PSMA6: variants seen among roughly 807,000 people sequenced by gnomAD.
PSMA6 encodes proteasome 20S subunit alpha 6, also known as proteasome subunit alpha type-6.
For synonymous variants in PSMA6, 88 were observed against 97.7 expected (o/e 0.90, Z 0.59); for missense variants, 170 against 294.8 (o/e 0.58, Z 3.10).
At chr14:35,290,704 G>A (rs2051467893), upstream of PSMA6, among the ~76,000 whole-genome samples, 3 of 152,114 alleles carry the variant, frequency 2.0e-5, no homozygotes, top group Non-Finnish European at 4.4e-5. Context: ...TGCCTTCCTT[G>A]TACACAAACC....
intron 1 of PSMA6, among the ~76,000 whole-genome samples, chr14:35,307,200 G>C (rs2051845567): frequency 6.6e-6 from 1 of 152,172 alleles, no homozygotes; most frequent in Non-Finnish European, 1.5e-5. Flanking sequence ...CAAAAAGCAT[G>C]ATCCAGAAAT....
upstream of PSMA6, chr14:35,292,348 C>T (rs2051497836): frequency 6.6e-7 from 1 of 1,518,704 alleles, no homozygotes; most frequent in Non-Finnish European, 8.8e-7. Context: ...GTGAGTTCGG[C>T]ATGCAAGAGC....
chr14:35,297,367 C>T (rs1328031196), intron 1 of PSMA6, among the ~76,000 whole-genome samples: 1 of 151,798 alleles, frequency 6.6e-6, no homozygotes, highest in Admixed American at 6.6e-5. Flanking sequence ...AGGCGCCTGC[C>T]TCCGAGCCCA....
chr14:35,298,064 ATTT>A (rs1594381655), intron 1 of PSMA6, among the ~76,000 whole-genome samples: 1 of 152,196 alleles, frequency 6.6e-6, no homozygotes, highest in East Asian at 1.9e-4. Flanking sequence ...TCTTTGACTA[ATTT>A]TTAACCTGTA....
upstream of PSMA6, chr14:35,292,171 A>G (rs775711496): frequency 1.8e-4 from 94 of 512,966 alleles, no homozygotes; most frequent in Non-Finnish European, 2.7e-4. Context: ...TAGTCAATTC[A>G]TTCTCCAGAT....
chr14:35,303,327 G>T (rs1044251698), intron 1 of PSMA6, among the ~76,000 whole-genome samples: 5 of 152,144 alleles, frequency 3.3e-5, no homozygotes, highest in Non-Finnish European at 7.4e-5. Context: ...ATCTGCTAGA[G>T]ATTTGGGCAG....
chr14:35,290,257 C>T (rs529471171), upstream of PSMA6, among the ~76,000 whole-genome samples: 3 of 152,272 alleles, frequency 2.0e-5, no homozygotes, highest in Non-Finnish European at 2.9e-5. Context: ...ATCCTCCTAG[C>T]AGCCTTACCG....
intron 6 of PSMA6, chr14:35,315,520 T>G (rs368875654): frequency 6.6e-6 from 1 of 152,058 alleles, no homozygotes; most frequent in African/African-American, 2.4e-5. Context: ...ATAGTGCCTG[T>G]GAATAGCCAC....
At chr14:35,299,590 G>A (rs1445202693) in intron 1 of PSMA6, among the ~76,000 whole-genome samples, 2 of 151,972 alleles carry the variant, frequency 1.3e-5, no homozygotes, top group African/African-American at 2.4e-5. Context: ...CCAAAGTGCT[G>A]GGATTACAGG....
intron 1 of PSMA6, among the ~76,000 whole-genome samples, chr14:35,287,081 CA>C (rs1235416626): frequency 6.6e-6 from 1 of 152,126 alleles, no homozygotes; most frequent in African/African-American, 2.4e-5. Context: ...AACACTCATC[CA>C]GAATGACTGA....
chr14:35,296,223 C>G (rs1186275243), intron 1 of PSMA6, among the ~76,000 whole-genome samples: 1 of 152,142 alleles, frequency 6.6e-6, no homozygotes, highest in Admixed American at 6.5e-5. Context: ...ATAATAACCA[C>G]CTACCTTATA....
At chr14:35,303,841 T>C (rs1300194742) in intron 1 of PSMA6, among the ~76,000 whole-genome samples, 3 of 152,224 alleles carry the variant, frequency 2.0e-5, no homozygotes, top group Non-Finnish European at 4.4e-5. Flanking sequence ...CTAAACAATG[T>C]AGTATAACAA....
At chr14:35,304,800 TG>T (rs552355174) in intron 1 of PSMA6, among the ~76,000 whole-genome samples, 21 of 152,076 alleles carry the variant, frequency 1.4e-4, no homozygotes, top group African/African-American at 5.1e-4. Flanking sequence ...CCAATTAAAT[TG>T]GGGGTTATGG....
At chr14:35,293,013 C>A (rs1211322898) in intron 1 of PSMA6, 1 of 457,822 alleles carries the variant, frequency 2.2e-6, no homozygotes, top group South Asian at 1.5e-5. Context: ...CCAGACACTG[C>A]TAGTCCTAGG....
chr14:35,296,846 A>G (rs1413394249), intron 1 of PSMA6, among the ~76,000 whole-genome samples: 1 of 152,196 alleles, frequency 6.6e-6, no homozygotes, highest in African/African-American at 2.4e-5. Context: ...GCATGCATAC[A>G]CATACATACA....
intron 1 of PSMA6, among the ~76,000 whole-genome samples, chr14:35,297,265 G>T (rs2051614278): frequency 6.6e-6 from 1 of 151,488 alleles, no homozygotes; most frequent in African/African-American, 2.4e-5. Context: ...ACCCAGGCTG[G>T]AGTGCAGTGT....
At chr14:35,303,108 C>A (rs998924319) in intron 1 of PSMA6, among the ~76,000 whole-genome samples, 2 of 152,076 alleles carry the variant, frequency 1.3e-5, no homozygotes, top group Non-Finnish European at 2.9e-5. Context: ...CGGATTGTAT[C>A]CTGGACATTT....
At chr14:35,314,332 A>G (rs1461082653) in intron 5 of PSMA6, 29 bp from the exon 6 acceptor site, 20 of 1,564,090 alleles carry the variant, frequency 1.3e-5, no homozygotes, top group East Asian at 2.4e-5. Context: ...AAAAAATACT[A>G]TATTTTAACA....
upstream of PSMA6, among the ~76,000 whole-genome samples, chr14:35,290,452 T>G (rs2051465541): frequency 6.6e-6 from 1 of 152,232 alleles, no homozygotes; most frequent in Non-Finnish European, 1.5e-5. Flanking sequence ...AAGTACCCTT[T>G]GTGCCAGAGA....
Sources: gnomAD v4.1 joint callset for allele counts (sites outside exome capture counted in the v4.1 genomes callset) on GRCh38, gnomAD v4.1.1 for gene constraint, MANE v1.5 for transcripts, NCBI Gene and HGNC (gene_info 2026-07-23, HGNC 2026-07-21) for gene names.